HERC6: variants seen among roughly 807,000 people sequenced by gnomAD.
The protein encoded by HERC6 is HECT and RLD domain containing E3 ubiquitin protein ligase family member 6.
HERC6 carries 101 observed loss-of-function variants against 114.5 expected under a neutral mutation model. The observed-to-expected ratio is 0.88, with a 90% CI of 0.75 to 1.04. The LOEUF (loss-of-function observed/expected upper bound fraction) is 1.04. HERC6 is among the 50% of genes least tolerant of loss of function. The probability of loss-of-function intolerance (pLI) is 0.00; values close to 1 mark genes in which losing one functional copy is unlikely to be tolerated. For synonymous variants in HERC6, 408 were observed against 436.2 expected (o/e 0.94, Z 0.81); for missense variants, 1,133 against 1,230.9 (o/e 0.92, Z 1.19).
chr4:88,410,501 A>G (rs972731337), intron 11 of HERC6, among the ~76,000 whole-genome samples: 18 of 152,164 alleles, frequency 1.2e-4, no homozygotes, highest in African/African-American at 4.3e-4. Flanking sequence ...TTCCTTTCAC[A>G]GCAAAAAGGG....
rs566384364 is a variant in HERC6 at position 88,391,714 on chromosome 4, T to C, written c.664+835T>C. Among the ~76,000 whole-genome samples the C allele has an allele frequency of 4.1e-4, 62 of 152,266 alleles. No individual in the cohort carries two copies. In the South Asian group the frequency reaches 0.012, roughly 30 times the overall value. ...AACATTAGGTCAAACAACCAGTTCC[T>C]CTAGGCAAAAGAAAACTTCTCTAAA... On this transcript the variant is annotated intron_variant, in intron 4 of 22. Coordinates refer to ENST00000264346, the MANE Select transcript of HERC6 (RefSeq NM_017912.4).
intron 12 of HERC6, among the ~76,000 whole-genome samples, chr4:88,416,317 T>G (rs1736474038): frequency 6.6e-6 from 1 of 152,232 alleles, no homozygotes; most frequent in Non-Finnish European, 1.5e-5. Context: ...GGTTTTGCTA[T>G]TCTTCCTTCT....
At chr4:88,429,836 G>A (rs1430215081) in intron 16 of HERC6, among the ~76,000 whole-genome samples, 1 of 152,126 alleles carries the variant, frequency 6.6e-6, no homozygotes, top group Non-Finnish European at 1.5e-5. Flanking sequence ...TAACTGTAAA[G>A]GAATCAGTAG....
Position 88,442,230 on chromosome 4 carries a change from C to T in HERC6, c.2843-4C>T. 6.3e-7 allele frequency: 1 copy of T among 1,599,668 alleles called. No homozygotes were observed. The highest frequency in any genetic ancestry group is 8.5e-7 in the Non-Finnish European group (1 of 1,170,674). On this transcript the variant is annotated splice_region_variant and splice_polypyrimidine_tract_variant and intron_variant, in intron 22 of 22. Coordinates refer to ENST00000264346, the MANE Select transcript of HERC6 (RefSeq NM_017912.4). ...TATCTTAACCAAATTTTATTCCTTT[C>T]TAGTTTTCCTTACAGGACGTGATAG...
intron 16 of HERC6, among the ~76,000 whole-genome samples, chr4:88,429,735 A>C (rs945806873): frequency 7.9e-5 from 12 of 152,252 alleles, no homozygotes; most frequent in African/African-American, 2.2e-4. Flanking sequence ...GGATTTTCCC[A>C]GCATGTGACT....
chr4:88,429,366 T>C (rs2148982660), intron 16 of HERC6, among the ~76,000 whole-genome samples: 1 of 152,290 alleles, frequency 6.6e-6, no homozygotes, highest in Admixed American at 6.5e-5. Context: ...AAGACATGGA[T>C]CACAGAGGGG....
chr4:88,381,176 A>G (rs1734296785), intron 1 of HERC6, among the ~76,000 whole-genome samples: 1 of 152,176 alleles, frequency 6.6e-6, no homozygotes. Context: ...TGCTGAGAAT[A>G]GTTTCAAAAG....
chr4:88,379,374 C>T (rs1734042390), intron 1 of HERC6, among the ~76,000 whole-genome samples: 1 of 152,126 alleles, frequency 6.6e-6, no homozygotes, highest in African/African-American at 2.4e-5. Flanking sequence ...CGAAGAGCAA[C>T]TTCCTCAGTT....
chr4:88,430,953 G>A (rs1256362005), intron 16 of HERC6, among the ~76,000 whole-genome samples: 1 of 152,138 alleles, frequency 6.6e-6, no homozygotes, highest in African/African-American at 2.4e-5. Flanking sequence ...CAGTGTAAAG[G>A]ATGCACACAA....
At chr4:88,439,524 G>A (rs955353332) in intron 20 of HERC6, among the ~76,000 whole-genome samples, 3 of 152,042 alleles carry the variant, frequency 2.0e-5, no homozygotes, top group Non-Finnish European at 4.4e-5. Context: ...GGCTTGGGAA[G>A]GCCTGTTGAT....
At chr4:88,416,192 A>G (rs984257826) in intron 12 of HERC6, among the ~76,000 whole-genome samples, 4 of 152,208 alleles carry the variant, frequency 2.6e-5, no homozygotes, top group Non-Finnish European at 5.9e-5. Flanking sequence ...AGGGTTAGTT[A>G]TCAGCTCAGG....
At chr4:88,423,609 TGC>T (rs753479170) in intron 13 of HERC6, among the ~76,000 whole-genome samples, 3 of 152,214 alleles carry the variant, frequency 2.0e-5, no homozygotes, top group Non-Finnish European at 4.4e-5. Context: ...AGTAAATCTA[TGC>T]CCTAAAAATT....
chr4:88,437,059 C>CG, intron 19 of HERC6, 88 bp downstream of exon 19: 17 of 1,011,688 alleles, frequency 1.7e-5, no homozygotes, highest in Admixed American at 8.7e-5. Flanking sequence ...ATTTGGGATC[C>CG]CTTTTTTTTT....
At position 88,383,515 on chromosome 4, in the gene HERC6, T is replaced by C. The variant is rs115024070; in HGVS notation, c.359+135T>C. ...GGTTCATGTCTGTAATCCCAACACT[T>C]TGGAAGGCTAAGGTGGGCAGATCAC... On this transcript the variant is annotated intron_variant, in intron 2 of 22. Transcript: ENST00000264346. 1.9e-3 allele frequency: 1,200 copies of C among 643,028 alleles called. 16 individuals carry two copies. The African/African-American group carries it at 0.021, about 11-fold the overall frequency. The allele number at this position is 643,028 out of a possible 1,614,324, so 39.8% of individuals were successfully genotyped here.
intron 17 of HERC6, among the ~76,000 whole-genome samples, chr4:88,434,200 T>C (rs1738518298): frequency 1.3e-5 from 2 of 152,186 alleles, no homozygotes; most frequent in Non-Finnish European, 2.9e-5. Context: ...GAAGCACTGA[T>C]GTGGGATCAG....
chr4:88,442,509 G>A lies in HERC6; in HGVS notation c.*49G>A. The A allele has an allele frequency of 2.3e-6, 3 of 1,331,570 alleles. No individual in the cohort carries two copies. The highest frequency in any genetic ancestry group is 1.2e-5 in the South Asian group (1 of 82,388). The allele number at this position is 1,331,570 out of a possible 1,614,324, so 82.5% of individuals were successfully genotyped here. A position where few individuals can be genotyped will look rare whatever the true frequency, so the allele number is the denominator to read the frequency against. On this transcript the variant is annotated 3_prime_UTR_variant, in exon 23 of 23. Coordinates refer to ENST00000264346, the MANE Select transcript of HERC6 (RefSeq NM_017912.4). The stretch of plus-strand genomic sequence containing the variant: ...GGCTTTCTCACACTTGGATCCTTCT[G>A]TTCTTCCTTACACCTAAATAATACA...
intron 22 of HERC6, among the ~76,000 whole-genome samples, chr4:88,441,545 A>C (rs1326088268): frequency 6.6e-6 from 1 of 151,794 alleles, no homozygotes; most frequent in Admixed American, 6.6e-5. Flanking sequence ...TGGTATAAGA[A>C]CTTCTCTTGG....
chr4:88,398,127 A>C lies in HERC6; in HGVS notation c.1025-15A>C. On this transcript the variant is annotated splice_polypyrimidine_tract_variant and intron_variant, in intron 7 of 22. Coordinates refer to ENST00000264346, the MANE Select transcript of HERC6 (RefSeq NM_017912.4). Reference sequence around the variant, plus strand: ...TTCTAGAAACTCTAAGCATGGATTTATGACTTTCTTTTAGACTTCGTGGAT... The same window carrying C: ...TTCTAGAAACTCTAAGCATGGATTTCTGACTTTCTTTTAGACTTCGTGGAT... 1 of 1,544,430 alleles carries C rather than the reference A, an allele frequency of 6.5e-7. No homozygotes were observed. Among genetic ancestry groups the C allele is most frequent in the Non-Finnish European group, 8.7e-7 (1 of 1,143,586 alleles).
chr4:88,380,190 ATAT>A (rs1560528881), intron 1 of HERC6, among the ~76,000 whole-genome samples: 1 of 3,360 alleles, frequency 3.0e-4, no homozygotes, highest in African/African-American at 1.4e-3. Flanking sequence ...ATAAATATAT[ATAT>A]AATATAAATA....
Sources: gnomAD v4.1 joint callset for allele counts (sites outside exome capture counted in the v4.1 genomes callset) on GRCh38, gnomAD v4.1.1 for gene constraint, MANE v1.5 for transcripts, NCBI Gene and HGNC (gene_info 2026-07-23, HGNC 2026-07-21) for gene names.